Variants in MAPK10 observed in about 807,000 individuals in gnomAD.
MAPK10 encodes the protein JNK3 alpha protein kinase.
A neutral mutation model predicts 59.3 loss-of-function variants in MAPK10; 25 were observed. That is an observed-to-expected ratio of 0.42 (90% confidence interval 0.31 to 0.59). MAPK10 has a LOEUF of 0.59. Among genes scored for constraint, MAPK10 ranks in the 20% least tolerant of loss-of-function variants. The pLI is 0.15. For synonymous variants in MAPK10, 190 were observed against 200.5 expected, an observed-to-expected ratio of 0.95 and a Z score of 0.44; for missense variants, 351 against 568.9, an observed-to-expected ratio of 0.62 and a Z score of 3.90.
At chr4:86,397,194 C>T (rs1247010821) in intron 1 of MAPK10, among the ~76,000 whole-genome samples, 2 of 152,102 alleles carry the variant, frequency 1.3e-5, no homozygotes, top group Non-Finnish European at 2.9e-5. Flanking sequence ...TTATTGATTC[C>T]TCAGTGAGAA....
intron 1 of MAPK10, among the ~76,000 whole-genome samples, chr4:86,580,807 T>G (rs980197247): frequency 2.6e-5 from 4 of 152,126 alleles, no homozygotes; most frequent in African/African-American, 9.7e-5. Context: ...TGAATGGAGC[T>G]CAGAATGTGG....
intron 1 of MAPK10, among the ~76,000 whole-genome samples, chr4:86,423,870 AG>A (rs1746903890): frequency 6.6e-6 from 1 of 150,630 alleles, no homozygotes; most frequent in Admixed American, 6.6e-5. Context: ...AATTTTGAAC[AG>A]GGAATAGGCA....
intron 1 of MAPK10, among the ~76,000 whole-genome samples, chr4:86,501,863 C>T (rs1238139323): frequency 6.6e-6 from 1 of 151,998 alleles, no homozygotes; most frequent in African/African-American, 2.4e-5. Context: ...AATTTGAGAA[C>T]TTGTGGTTTA....
intron 2 of MAPK10, among the ~76,000 whole-genome samples, chr4:86,281,055 C>A (rs2094782888): frequency 6.6e-6 from 1 of 151,976 alleles, no homozygotes; most frequent in African/African-American, 2.4e-5. Context: ...TACAATATAC[C>A]CTGTGACAAA....
At chr4:86,142,326 G>A (rs574985632) in intron 4 of MAPK10, among the ~76,000 whole-genome samples, 18 of 152,318 alleles carry the variant, frequency 1.2e-4, no homozygotes, top group African/African-American at 4.1e-4. Flanking sequence ...AGCCTTGGAA[G>A]TTAAAGAATG....
Position 86,016,477 on chromosome 4 carries a change from A to G in MAPK10, c.*751T>C, listed in dbSNP as rs1743356622. On this transcript the variant is annotated 3_prime_UTR_variant, in exon 14 of 14. Coordinates refer to ENST00000641462, the MANE Select transcript of MAPK10 (RefSeq NM_138982.4). ...AGTATCACATATGTTCTTTCTACAA[A>G]TTGGTATACAGGTGCCATTTAATCC... 1 of 152,584 alleles carries G rather than the reference A, an allele frequency of 6.6e-6. No individual in the cohort carries two copies. Among genetic ancestry groups the G allele is most frequent in the South Asian group, 2.1e-4 (1 of 4,828 alleles). 9.5% of individuals were successfully genotyped at this position (152,584 alleles called of 1,614,324 possible).
chr4:86,081,158 A>G (rs1451440236), intron 9 of MAPK10: 8 of 152,066 alleles, frequency 5.3e-5, no homozygotes, highest in Admixed American at 5.2e-4. Context: ...ACAGAATTAT[A>G]GATCTGTGAA....
chr4:86,214,398 A>T (rs1052153190), intron 2 of MAPK10, among the ~76,000 whole-genome samples: 2 of 151,962 alleles, frequency 1.3e-5, no homozygotes, highest in African/African-American at 4.8e-5. Context: ...ATTAGGGAAA[A>T]AAACAGGAAA....
At chr4:86,218,364 T>G (rs1327442986) in intron 2 of MAPK10, among the ~76,000 whole-genome samples, 1 of 152,086 alleles carries the variant, frequency 6.6e-6, no homozygotes, top group Non-Finnish European at 1.5e-5. Flanking sequence ...CTATTTTTAG[T>G]AGAGACAGGG....
intron 3 of MAPK10, among the ~76,000 whole-genome samples, chr4:86,188,663 A>T (rs111548919): frequency 0.021 from 3,256 of 152,202 alleles, 63 homozygotes; most frequent in Non-Finnish European, 0.033. Context: ...AGATGGATAC[A>T]TTGCAAAAAT....
At chr4:86,322,655 T>A (rs1485002471) in intron 2 of MAPK10, among the ~76,000 whole-genome samples, 2 of 152,226 alleles carry the variant, frequency 1.3e-5, no homozygotes, top group Non-Finnish European at 2.9e-5. Context: ...AGAGGTTTAC[T>A]GTTTGTTTCA....
chr4:86,460,019 T>C (rs1751591667), intron 1 of MAPK10, among the ~76,000 whole-genome samples: 1 of 152,210 alleles, frequency 6.6e-6, no homozygotes, highest in East Asian at 1.9e-4. Context: ...GGAAAGTTTA[T>C]GTTCCATAAA....
chr4:86,032,945 C>G (rs749492336), intron 11 of MAPK10, among the ~76,000 whole-genome samples: 1 of 152,158 alleles, frequency 6.6e-6, no homozygotes, highest in Non-Finnish European at 1.5e-5. Flanking sequence ...GAGCAGCTCT[C>G]AGCAGCCGTC....
chr4:86,108,307 CATT>C (rs1228963910), intron 4 of MAPK10, among the ~76,000 whole-genome samples: 2 of 151,978 alleles, frequency 1.3e-5, no homozygotes, highest in Non-Finnish European at 2.9e-5. Context: ...CTCTTTTTGC[CATT>C]ATACCTAATG....
chr4:86,183,449 TC>T (rs1181339959), intron 3 of MAPK10, among the ~76,000 whole-genome samples: 4 of 152,062 alleles, frequency 2.6e-5, no homozygotes, highest in Non-Finnish European at 5.9e-5. Context: ...TTCATCCATG[TC>T]CCTACAAAGG....
At chr4:86,032,677 A>T (rs1263601436) in intron 11 of MAPK10, 2 of 152,172 alleles carry the variant, frequency 1.3e-5, no homozygotes, top group Non-Finnish European at 2.9e-5. Flanking sequence ...TCTCTAATTC[A>T]TGCAGAATCT....
intron 2 of MAPK10, among the ~76,000 whole-genome samples, chr4:86,295,220 C>T (rs374918715): frequency 6.6e-6 from 1 of 152,180 alleles, no homozygotes; most frequent in South Asian, 2.1e-4. Flanking sequence ...TGTTGTTTAA[C>T]CCCCTCGGGC....
chr4:86,422,843 G>A (rs1295356574), intron 1 of MAPK10, among the ~76,000 whole-genome samples: 2 of 152,146 alleles, frequency 1.3e-5, no homozygotes, highest in African/African-American at 4.8e-5. Flanking sequence ...GTGGAAAATC[G>A]TAGCAAACAG....
rs77701199 is a variant in MAPK10 at position 86,581,377 on chromosome 4, C to A, written c.-263+12533G>T. Reference sequence around the variant, plus strand: ...AATTCAATATCTATTGAATAACTACCATAGGCAAAGCAATGCAACCTTCTA... The same window carrying A: ...AATTCAATATCTATTGAATAACTACAATAGGCAAAGCAATGCAACCTTCTA... On this transcript the variant is annotated intron_variant, in intron 1 of 4. Coordinates refer to the MAPK10 transcript ENST00000502302. 1.2e-3 allele frequency among the ~76,000 whole-genome samples: 180 copies of A among 151,830 alleles called. 3 individuals carry two copies. In the East Asian group the frequency reaches 0.033, roughly 28 times the overall value.
Sources: allele counts gnomAD v4.1 joint callset (sites outside exome capture counted in the v4.1 genomes callset), GRCh38; gene constraint gnomAD v4.1.1; transcripts MANE v1.5; gene names NCBI Gene and HGNC (gene_info 2026-07-23, HGNC 2026-07-21).